Variants in GOLGA3 observed in about 807,000 individuals in gnomAD.
GOLGA3 encodes the protein golgin A3, also known as golgin subfamily A member 3.
A neutral mutation model predicts 169.4 loss-of-function variants in GOLGA3; 75 were observed. The observed-to-expected ratio is 0.44, with a 90% CI of 0.37 to 0.54. GOLGA3 has a LOEUF of 0.54. Among genes scored for constraint, GOLGA3 ranks in the 20% least tolerant of loss-of-function variants. The pLI is 0.00. For missense variants in GOLGA3, 1,899 were observed against 1,930.0 expected (o/e 0.98, Z 0.30); for synonymous variants, 824 against 822.4 (o/e 1.00, Z -0.03).
intron 20 of GOLGA3, 78 bp downstream of exon 20, chr12:132,776,880 C>T (rs200199629): frequency 3.6e-5 from 55 of 1,544,276 alleles, no homozygotes; most frequent in African/African-American, 6.9e-5. Flanking sequence ...CACTGTTGCT[C>T]CCCAAGCAGG....
chr12:132,812,508 T>C (rs1172014225), intron 4 of GOLGA3, among the ~76,000 whole-genome samples: 1 of 152,122 alleles, frequency 6.6e-6, no homozygotes, highest in Non-Finnish European at 1.5e-5. Context: ...ATTAAAAACA[T>C]TCATGATTCA....
In GOLGA3 at chr12:132,794,754, A is replaced by G. The variant is rs1948744816; in HGVS notation, c.2469+1098T>C. 2.0e-5 allele frequency among the ~76,000 whole-genome samples: 3 copies of G among 152,224 alleles called. No homozygotes were observed. The South Asian group carries it at 6.2e-4, about 31-fold the overall frequency. ...ACAATTCCTCTAAATTTACTCCCCCAACACTGTAAACAGTAATGACCTGTC... is the reference window on the plus strand; with the variant it reads ...ACAATTCCTCTAAATTTACTCCCCCGACACTGTAAACAGTAATGACCTGTC... On this transcript the variant is annotated intron_variant, in intron 11 of 23. Transcript: ENST00000450791.
intron 18 of GOLGA3, among the ~76,000 whole-genome samples, chr12:132,780,495 C>G (rs1593241234): frequency 6.6e-6 from 1 of 152,252 alleles, no homozygotes; most frequent in Non-Finnish European, 1.5e-5. Context: ...GGATCATATG[C>G]TATTCTCAAG....
intron 8 of GOLGA3, among the ~76,000 whole-genome samples, chr12:132,799,418 G>A (rs1023018351): frequency 1.3e-5 from 2 of 152,168 alleles, no homozygotes; most frequent in African/African-American, 4.8e-5. Flanking sequence ...TGGGAGGATC[G>A]CTTGAGTCCA....
intron 10 of GOLGA3, 95 bp from the exon 11 acceptor site, chr12:132,796,315 A>C: frequency 7.1e-7 from 1 of 1,409,512 alleles, no homozygotes; most frequent in East Asian, 2.3e-5. Context: ...TTTGATGGAC[A>C]CTATGGAGGG....
intron 4 of GOLGA3, among the ~76,000 whole-genome samples, chr12:132,809,174 C>T (rs370489363): frequency 1.3e-5 from 2 of 152,324 alleles, no homozygotes; most frequent in South Asian, 2.1e-4. Context: ...AGACAGCTTA[C>T]GCCATTATTT....
chr12:132,795,720 C>T (rs1948794451), intron 11 of GOLGA3, 132 bp downstream of exon 11: 1 of 967,314 alleles, frequency 1.0e-6, no homozygotes, highest in Non-Finnish European at 1.5e-6. Flanking sequence ...CAGATCATCC[C>T]ACTGCACTCC....
intron 11 of GOLGA3, among the ~76,000 whole-genome samples, chr12:132,793,671 T>C (rs1173523005): frequency 1.0e-5 from 1 of 95,900 alleles, no homozygotes; most frequent in African/African-American, 4.5e-5. Context: ...CTCGGAGGGC[T>C]CCACACAGAC....
At chr12:132,816,091 G>C (rs971019317) in intron 3 of GOLGA3, among the ~76,000 whole-genome samples, 2 of 152,200 alleles carry the variant, frequency 1.3e-5, no homozygotes, top group African/African-American at 2.4e-5. Context: ...CCAGCTACTC[G>C]GGAGGCCGAG....
chr12:132,774,810 C>T, intron 22 of GOLGA3: 1 of 471,516 alleles, frequency 2.1e-6, no homozygotes, highest in Non-Finnish European at 3.7e-6. Context: ...GCACAGAAAA[C>T]CGCCGGGCGC....
intron 3 of GOLGA3, among the ~76,000 whole-genome samples, chr12:132,813,787 T>C (rs1469943030): frequency 1.4e-5 from 2 of 146,356 alleles, no homozygotes; most frequent in African/African-American, 2.5e-5. Flanking sequence ...TGCAGTGGCA[T>C]GATCTCGGCT....
rs1255508344 is a variant in GOLGA3 at position 132,828,813 on chromosome 12, T to C, written c.-194A>G. The C allele has an allele frequency of 2.0e-5, 3 of 152,282 alleles. No individual in the cohort carries two copies. The highest frequency in any genetic ancestry group is 2.9e-5 in the Non-Finnish European group (2 of 68,100). 9.4% of individuals were successfully genotyped at this position (152,282 alleles called of 1,614,324 possible). A position where few individuals can be genotyped will look rare whatever the true frequency, so the allele number is the denominator to read the frequency against. ...CTCCGAGCCCCTCACCCTGCTGCTC[T>C]GGCAGCCCCGGAGGCCGCCCGGCCC... On this transcript the variant is annotated 5_prime_UTR_variant, in exon 1 of 24. Coordinates refer to ENST00000450791, the MANE Select transcript of GOLGA3 (RefSeq NM_001389683.1).
Position 132,787,342 on chromosome 12 carries a change from G to A in GOLGA3, c.2812-555C>T, listed in dbSNP as rs181757219. 2.1e-4 allele frequency among the ~76,000 whole-genome samples: 32 copies of A among 152,104 alleles called. 1 individual carries two copies. The East Asian group carries it at 5.8e-3, about 28-fold the overall frequency. ...CAGGACATGACTGGTTCATAGGAAA[G>A]CCTGTGGACCCAGGACCTCTCCTCC... On this transcript the variant is annotated intron_variant, in intron 13 of 23. Transcript: ENST00000450791.
In GOLGA3 at chr12:132,816,522, G is replaced by A. The variant is rs776501690; in HGVS notation, c.406+18C>T. 34 of 1,606,258 alleles carry A rather than the reference G, an allele frequency of 2.1e-5. No homozygotes were observed. Among genetic ancestry groups the A allele is most frequent in the South Asian group, 1.6e-4 (15 of 90,934 alleles). ...CGCGGACGTGGAGGGTGGGAAAAGC[G>A]GGGTAACGGATGCTTACACAGTTGC... On this transcript the variant is annotated intron_variant, in intron 3 of 23. Transcript: ENST00000450791.
Position 132,804,687 on chromosome 12 carries a change from G to A in GOLGA3, c.1597+29C>T. The A allele has an allele frequency of 6.4e-7, 1 of 1,567,120 alleles. No individual in the cohort carries two copies. The highest frequency in any genetic ancestry group is 8.7e-7 in the Non-Finnish European group (1 of 1,144,272). ...GGGAGCAGCAGGGACCAGTCAGGGA[G>A]GGGAGGGCGTGGCCAGGGCCAGCCT... On this transcript the variant is annotated intron_variant, in intron 7 of 23. Transcript: ENST00000450791. This position sits in a 1 kb window ranked among gnomAD's most constrained non-coding sequence, Gnocchi z 4.1.
intron 2 of GOLGA3, 23 bp downstream of exon 2, chr12:132,821,973 C>G: frequency 6.4e-7 from 1 of 1,559,554 alleles, no homozygotes; most frequent in Non-Finnish European, 8.7e-7. Flanking sequence ...GTGACCAGCA[C>G]ACAGAGGAAC....
intron 2 of GOLGA3, among the ~76,000 whole-genome samples, chr12:132,820,020 A>C (rs768294175): frequency 2.0e-5 from 3 of 152,214 alleles, no homozygotes; most frequent in Non-Finnish European, 4.4e-5. Flanking sequence ...TCTACTAAAA[A>C]TACAAAATTA....
At chr12:132,813,445 A>C (rs1434867237) in intron 3 of GOLGA3, 26 bp from the exon 4 acceptor site, 1 of 1,281,390 alleles carries the variant, frequency 7.8e-7, no homozygotes, top group South Asian at 1.2e-5. Flanking sequence ...GGCAATTTGG[A>C]AACTCATAAA....
rs528079973 is a variant in GOLGA3 at position 132,821,810 on chromosome 12, C to T, written c.133+186G>A. Among the ~76,000 whole-genome samples the T allele has an allele frequency of 1.5e-4, 21 of 139,614 alleles. No homozygotes were observed. The East Asian group carries it at 2.4e-3, about 16-fold the overall frequency. 91.6% of individuals were successfully genotyped at this position (139,614 alleles called of 152,430 possible). A position where few individuals can be genotyped will look rare whatever the true frequency, so the allele number is the denominator to read the frequency against. ...CGGAGCTTGCAGCGAGCCGAGATCACGCCACTGCAGTCCAGCCTGGGCGAA... is the reference window on the plus strand; with the variant it reads ...CGGAGCTTGCAGCGAGCCGAGATCATGCCACTGCAGTCCAGCCTGGGCGAA... On this transcript the variant is annotated intron_variant, in intron 2 of 23. Transcript: ENST00000450791.
Sources: gnomAD v4.1 joint callset for allele counts (sites outside exome capture counted in the v4.1 genomes callset) on GRCh38, gnomAD v4.1.1 for gene constraint, Gnocchi (gnomAD v3.1) non-coding constraint, MANE v1.5 for transcripts, NCBI Gene and HGNC (gene_info 2026-07-23, HGNC 2026-07-21) for gene names.